Variants in ZNF821 observed in about 807,000 individuals in gnomAD.
The protein encoded by ZNF821 is zinc finger protein 821.
ZNF821 carries 16 observed loss-of-function variants against 44.3 expected under a neutral mutation model. The ratio of observed to expected loss-of-function variants is 0.36; its 90% CI spans 0.24 to 0.55. The LOEUF is 0.55. Ranked by LOEUF, ZNF821 falls within the 20% of genes least tolerant of loss-of-function variation. The probability of loss-of-function intolerance (pLI) is 0.86; values close to 1 mark genes in which losing one functional copy is unlikely to be tolerated. For synonymous variants in ZNF821, 204 were observed against 197.6 expected (o/e 1.03, Z -0.27); for missense variants, 436 against 547.6 (o/e 0.80, Z 2.03).
At chr16:71,892,962 C>G (rs1437615915) in intron 1 of ZNF821, among the ~76,000 whole-genome samples, 2 of 149,950 alleles carry the variant, frequency 1.3e-5, no homozygotes, top group Non-Finnish European at 3.0e-5. Flanking sequence ...AACTCCTAAC[C>G]TCAAGTGATC....
At position 71,864,965 on chromosome 16, in the gene ZNF821, C is replaced by T. The variant is rs749884219; in HGVS notation, c.250G>A (p.Val84Met). 6.2e-6 allele frequency: 10 copies of T among 1,614,214 alleles called. No homozygotes were observed. Among genetic ancestry groups the T allele is most frequent in the Non-Finnish European group, 8.5e-6 (10 of 1,180,040 alleles). ...TSEEDGGVVK[V>M]EKELENTEQP... Reference sequence around the variant, plus strand: ...TCTGTATTTTCTAACTCTTTCTCCACTTTGACCACCCCTCCATCTTCCTCT... The same window carrying T: ...TCTGTATTTTCTAACTCTTTCTCCATTTTGACCACCCCTCCATCTTCCTCT... Residue 84 changes from valine to methionine, a missense_variant, in exon 5 of 8, where the codon GTG becomes ATG. Val to Met is a conservative substitution (Grantham distance 21). This residue lies in a region of ZNF821 where 238 missense variants were observed against 281.4 expected (regional missense o/e 0.85). Transcript: ENST00000425432.
chr16:71,895,178 G>A (rs1319266527), exon 1 of ZNF821: 1 of 228,870 alleles, frequency 4.4e-6, no homozygotes, highest in Non-Finnish European at 8.8e-6. Context: ...CTGGCAGCCG[G>A]TTATGGAAGA....
At chr16:71,894,552 C>A in intron 1 of ZNF821, 7 of 246,014 alleles carry the variant, frequency 2.8e-5, no homozygotes, top group Non-Finnish European at 4.8e-5. Context: ...GGCCCTTTTT[C>A]TTTTTTTCTG....
chr16:71,873,147 C>A (rs900189796), intron 3 of ZNF821, among the ~76,000 whole-genome samples: 3 of 152,098 alleles, frequency 2.0e-5, no homozygotes, highest in South Asian at 2.1e-4. Flanking sequence ...CATGGCATAA[C>A]CCTGTCTCTA....
chr16:71,889,760 G>T (rs1357558628), upstream of ZNF821, among the ~76,000 whole-genome samples: 1 of 151,904 alleles, frequency 6.6e-6, no homozygotes, highest in Non-Finnish European at 1.5e-5. Flanking sequence ...TGCCAGACCG[G>T]GCAGCATGGC....
intron 3 of ZNF821, among the ~76,000 whole-genome samples, chr16:71,870,802 TG>T (rs1396260482): frequency 1.3e-5 from 2 of 152,168 alleles, no homozygotes; most frequent in Non-Finnish European, 2.9e-5. Flanking sequence ...TAATAGTTAT[TG>T]AATTCTTTCG....
intron 3 of ZNF821, among the ~76,000 whole-genome samples, chr16:71,878,116 T>G (rs1200724601): frequency 7.0e-6 from 1 of 143,320 alleles, no homozygotes; most frequent in Non-Finnish European, 1.5e-5. Flanking sequence ...TATTTGTCTT[T>G]TTTTTTTTTT....
Position 71,894,435 on chromosome 16 carries a change from G to C in ZNF821, n.448+454C>G, listed in dbSNP as rs149376447. The C allele has an allele frequency of 6.9e-5, 11 of 160,100 alleles. No individual in the cohort carries two copies. The East Asian group carries it at 1.1e-3, about 16-fold the overall frequency. 9.9% of individuals were successfully genotyped at this position (160,100 alleles called of 1,614,324 possible). A position where few individuals can be genotyped will look rare whatever the true frequency, so the allele number is the denominator to read the frequency against. ...GCGTAATTTCCTCTTTAGTAGAGAC[G>C]GGGTTCCTCTGTGTTGGCCAGGCTG... On this transcript the variant is annotated intron_variant and non_coding_transcript_variant, in intron 1 of 2. Transcript: ENST00000561700.
chr16:71,874,589 G>A (rs1426072448), intron 3 of ZNF821, among the ~76,000 whole-genome samples: 1 of 151,990 alleles, frequency 6.6e-6, no homozygotes, highest in Non-Finnish European at 1.5e-5. Context: ...AAGTAGCTAG[G>A]ATTACAGGCG....
intron 7 of ZNF821, among the ~76,000 whole-genome samples, chr16:71,861,398 C>G (rs949539352): frequency 2.6e-5 from 4 of 152,224 alleles, no homozygotes; most frequent in African/African-American, 7.2e-5. Flanking sequence ...AAGGCAGACT[C>G]TGCACTGTAC....
At chr16:71,893,469 T>C (rs549478560) in intron 1 of ZNF821, among the ~76,000 whole-genome samples, 4 of 151,442 alleles carry the variant, frequency 2.6e-5, no homozygotes, top group Non-Finnish European at 2.9e-5. Context: ...GCCCACTTTT[T>C]TTTTTTTTGG....
intron 6 of ZNF821, among the ~76,000 whole-genome samples, chr16:71,863,299 A>T (rs1229725677): frequency 6.6e-6 from 1 of 152,142 alleles, no homozygotes; most frequent in Non-Finnish European, 1.5e-5. Context: ...TTAGAAAAAA[A>T]ATCACTTAAT....
chr16:71,864,448 G>C (rs1232777836), intron 5 of ZNF821, among the ~76,000 whole-genome samples: 1 of 152,232 alleles, frequency 6.6e-6, no homozygotes, highest in Non-Finnish European at 1.5e-5. Context: ...GCCTCAGAGA[G>C]AGCCAATCAA....
chr16:71,879,757 CT>C (rs201654772), intron 3 of ZNF821, 149 bp downstream of exon 3: 1 of 774,618 alleles, frequency 1.3e-6, no homozygotes, highest in Non-Finnish European at 2.1e-6. Flanking sequence ...TTCTTTCTTT[CT>C]TTTTTTCTCT....
At position 71,871,009 on chromosome 16, in the gene ZNF821, T is replaced by G. The variant is rs1026043319; in HGVS notation, c.41-2972A>C. On this transcript the variant is annotated intron_variant, in intron 3 of 7. Coordinates refer to ENST00000425432, the MANE Select transcript of ZNF821 (RefSeq NM_001201552.2). ...TCTATCCTCTTTCTTGGATTCACCATTGGATTAGTAAAAAGACACCTAAAA... is the reference window on the plus strand; with the variant it reads ...TCTATCCTCTTTCTTGGATTCACCAGTGGATTAGTAAAAAGACACCTAAAA... Among the ~76,000 whole-genome samples the G allele has an allele frequency of 2.0e-5, 3 of 152,230 alleles. No homozygotes were observed. In the East Asian group the frequency reaches 5.8e-4, roughly 29 times the overall value.
At chr16:71,874,843 T>C (rs952469903) in intron 3 of ZNF821, among the ~76,000 whole-genome samples, 2 of 152,246 alleles carry the variant, frequency 1.3e-5, no homozygotes, top group Admixed American at 6.5e-5. Flanking sequence ...GAGACTCACA[T>C]GGTCAGAAAA....
chr16:71,864,606 C>G, intron 5 of ZNF821: 1 of 448,988 alleles, frequency 2.2e-6, no homozygotes, highest in East Asian at 4.0e-5. Flanking sequence ...CAAGAGTCCA[C>G]CTTGGGAAGT....
chr16:71,861,692 T>G (rs2033915436), intron 7 of ZNF821, 84 bp downstream of exon 7: 1 of 1,559,660 alleles, frequency 6.4e-7, no homozygotes, highest in Non-Finnish European at 8.8e-7. Flanking sequence ...ATTACCTATT[T>G]CTAGCCTTCG....
intron 3 of ZNF821, among the ~76,000 whole-genome samples, chr16:71,869,772 G>C (rs957200953): frequency 6.6e-6 from 1 of 151,968 alleles, no homozygotes; most frequent in Non-Finnish European, 1.5e-5. Flanking sequence ...AGAGTAGCTG[G>C]GACTACAGGT....
Sources: allele counts gnomAD v4.1 joint callset (sites outside exome capture counted in the v4.1 genomes callset), GRCh38; gene constraint gnomAD v4.1.1; regional missense constraint gnomAD v4.1.1; transcripts MANE v1.5; gene names NCBI Gene and HGNC (gene_info 2026-07-23, HGNC 2026-07-21).